The following CTNND2 variants were observed in gnomAD, a reference collection of about 807,000 sequenced individuals.
CTNND2 encodes catenin delta-2.
In CTNND2, 22 loss-of-function variants were observed where a neutral mutation model predicts 144.4. That is an observed-to-expected ratio of 0.15 (90% CI 0.11 to 0.22). The LOEUF is 0.22. Among genes scored for constraint, CTNND2 ranks in the 10% least tolerant of loss-of-function variants. CTNND2 has a pLI of 1.00. For synonymous variants in CTNND2, 751 were observed against 695.6 expected (o/e 1.08, Z -1.25); for missense variants, 1,353 against 1,618.8 (o/e 0.84, Z 2.82).
chr5:11,496,068 G>A lies in CTNND2; in HGVS notation c.287+68876C>T, dbSNP rs375768960. On this transcript the variant is annotated intron_variant, in intron 3 of 21. Coordinates refer to ENST00000304623, the MANE Select transcript of CTNND2 (RefSeq NM_001332.4). Reference sequence around the variant, plus strand: ...TGATATCCTTTAACATGCTTATTCTGAATCGGGCTACACTAAATACAAGTG... The same window carrying A: ...TGATATCCTTTAACATGCTTATTCTAAATCGGGCTACACTAAATACAAGTG... Among the ~76,000 whole-genome samples, 41 of 152,182 alleles carry A rather than the reference G, an allele frequency of 2.7e-4. 1 individual carries two copies. The South Asian group carries it at 7.5e-3, about 28-fold the overall frequency.
chr5:11,772,025 A>G (rs1422558702), intron 1 of CTNND2, among the ~76,000 whole-genome samples: 1 of 152,196 alleles, frequency 6.6e-6, no homozygotes, highest in Non-Finnish European at 1.5e-5. Context: ...GGCAAAAATG[A>G]ACATTTTCCC....
intron 8 of CTNND2, among the ~76,000 whole-genome samples, chr5:11,357,965 C>T (rs373417065): frequency 1.1e-4 from 16 of 152,050 alleles, no homozygotes; most frequent in African/African-American, 2.9e-4. Flanking sequence ...GCTGTATCTT[C>T]GGGTAATGTC....
chr5:11,272,270 T>C (rs905610758), intron 9 of CTNND2, among the ~76,000 whole-genome samples: 2 of 152,196 alleles, frequency 1.3e-5, no homozygotes, highest in African/African-American at 2.4e-5. Context: ...CACCACTCTA[T>C]AGCCACTCAG....
At chr5:10,986,865 G>A (rs1738030396) in intron 20 of CTNND2, 3 of 344,980 alleles carry the variant, frequency 8.7e-6, no homozygotes, top group Non-Finnish European at 1.7e-5. Flanking sequence ...TATCTTCGCT[G>A]TCCTGGTTTG....
chr5:11,350,098 T>C (rs1421627348), intron 8 of CTNND2, among the ~76,000 whole-genome samples: 1 of 151,992 alleles, frequency 6.6e-6, no homozygotes, highest in Non-Finnish European at 1.5e-5. Context: ...GATCGTGCCA[T>C]TGCACTCCAG....
At chr5:11,817,971 A>G (rs1385131717) in intron 1 of CTNND2, among the ~76,000 whole-genome samples, 1 of 133,398 alleles carries the variant, frequency 7.5e-6, no homozygotes, top group East Asian at 2.6e-4. Flanking sequence ...GAAGATACGT[A>G]TTATGAGGTG....
intron 3 of CTNND2, among the ~76,000 whole-genome samples, chr5:11,444,706 A>G (rs934751744): frequency 3.3e-5 from 5 of 152,208 alleles, no homozygotes; most frequent in Non-Finnish European, 7.3e-5. Context: ...TGTCTAAAAA[A>G]ATAAAAATAA....
At chr5:11,651,989 G>A (rs969337569) in intron 2 of CTNND2, among the ~76,000 whole-genome samples, 11 of 152,242 alleles carry the variant, frequency 7.2e-5, no homozygotes, top group African/African-American at 2.6e-4. Flanking sequence ...TTCAGACTTG[G>A]GGGACTGTTG....
In CTNND2 at chr5:11,756,031, C is replaced by CA. The variant is rs1399246775; in HGVS notation, c.38-23760_38-23759insT. Among the ~76,000 whole-genome samples the CA allele has an allele frequency of 4.3e-4, 65 of 151,708 alleles. 1 individual carries two copies. The highest frequency in any genetic ancestry group is 1.4e-3 in the African/African-American group (58 of 41,478). On this transcript the variant is annotated intron_variant, in intron 1 of 21. Transcript: ENST00000304623. Reference sequence around the variant, plus strand: ...AAGCCACTCTGGCTTTCTGAGTTATCCGAGTTCTTGTTGTGGTCTTTCTCA... The same window carrying CA: ...AAGCCACTCTGGCTTTCTGAGTTATCACGAGTTCTTGTTGTGGTCTTTCTCA...
At chr5:11,617,793 T>C (rs192327311) in intron 2 of CTNND2, among the ~76,000 whole-genome samples, 1 of 152,332 alleles carries the variant, frequency 6.6e-6, no homozygotes, top group East Asian at 1.9e-4. Context: ...TATATGTGAA[T>C]TCACATTCTC....
intron 1 of CTNND2, among the ~76,000 whole-genome samples, chr5:11,735,650 C>T (rs1002309134): frequency 2.0e-5 from 3 of 152,156 alleles, no homozygotes; most frequent in Non-Finnish European, 4.4e-5. Flanking sequence ...TTTGCCCATG[C>T]TGTTCTCATG....
intron 12 of CTNND2, among the ~76,000 whole-genome samples, chr5:11,119,086 G>A (rs1172372395): frequency 6.6e-6 from 1 of 152,122 alleles, no homozygotes; most frequent in Non-Finnish European, 1.5e-5. Flanking sequence ...AGGCATGTCA[G>A]TCTTACGTCT....
chr5:11,778,209 T>G (rs187423782), intron 1 of CTNND2, among the ~76,000 whole-genome samples: 1 of 152,210 alleles, frequency 6.6e-6, no homozygotes, highest in Non-Finnish European at 1.5e-5. Flanking sequence ...TTCTCACTTC[T>G]TACATCCAAT....
rs532924186 is a variant in CTNND2, at chr5:11,716,299, A to C, written c.174+15837T>G. On this transcript the variant is annotated intron_variant, in intron 2 of 21. Transcript: ENST00000304623. ...GCAATTTAGTTATACACTTAATTAA[A>C]TAGTTTAAATAATAAAATAATTGAG... is the stretch of plus-strand genomic sequence containing the variant. Among the ~76,000 whole-genome samples, 418 of 152,366 alleles carry C rather than the reference A, an allele frequency of 2.7e-3. 2 individuals carry two copies. The highest frequency in any genetic ancestry group is 9.5e-3 in the African/African-American group (395 of 41,588).
At chr5:11,392,358 A>C (rs2149810024) in intron 6 of CTNND2, among the ~76,000 whole-genome samples, 1 of 152,370 alleles carries the variant, frequency 6.6e-6, no homozygotes, top group East Asian at 1.9e-4. Context: ...TAAAGCAATG[A>C]TGTAAGTATC....
intron 2 of CTNND2, among the ~76,000 whole-genome samples, chr5:11,637,493 C>T (rs1781772419): frequency 6.6e-6 from 1 of 152,092 alleles, no homozygotes; most frequent in South Asian, 2.1e-4. Context: ...TTTTATATGA[C>T]AAAGTTACTT....
chr5:11,671,402 T>A (rs1478957348), intron 2 of CTNND2, among the ~76,000 whole-genome samples: 1 of 152,176 alleles, frequency 6.6e-6, no homozygotes, highest in East Asian at 1.9e-4. Flanking sequence ...CCCTGTCACT[T>A]TCAGGTACAC....
At chr5:11,332,353 C>A (rs1344430880) in intron 9 of CTNND2, among the ~76,000 whole-genome samples, 2 of 151,870 alleles carry the variant, frequency 1.3e-5, no homozygotes, top group South Asian at 4.2e-4. Context: ...GATCAGGATC[C>A]ATGAGGCCTG....
chr5:11,223,976 C>T (rs1028721362), intron 10 of CTNND2, among the ~76,000 whole-genome samples: 6 of 152,168 alleles, frequency 3.9e-5, no homozygotes, highest in Non-Finnish European at 5.9e-5. Context: ...GGATCCCCTG[C>T]TTCTCATCTG....
Sources: allele counts gnomAD v4.1 joint callset (sites outside exome capture counted in the v4.1 genomes callset), GRCh38; gene constraint gnomAD v4.1.1; transcripts MANE v1.5; gene names NCBI Gene and HGNC (gene_info 2026-07-23, HGNC 2026-07-21).